The following SMG6 variants were observed in gnomAD, a reference collection of about 807,000 sequenced individuals.
SMG6 encodes telomerase-binding protein EST1A.
In SMG6, 66 loss-of-function variants were observed where a neutral mutation model predicts 142.2. The observed-to-expected ratio is 0.46, with a 90% CI of 0.38 to 0.57. The LOEUF (loss-of-function observed/expected upper bound fraction) is 0.57. SMG6 is among the 20% of genes least tolerant of loss of function. The probability of loss-of-function intolerance (pLI) is 0.00; values close to 1 mark genes in which losing one functional copy is unlikely to be tolerated. For missense variants in SMG6, 1,793 were observed against 1,832.0 expected, an observed-to-expected ratio of 0.98 and a Z score of 0.39; for synonymous variants, 779 against 702.4, an observed-to-expected ratio of 1.11 and a Z score of -1.72.
At chr17:2,120,230 T>G (rs2069644524) in intron 13 of SMG6, among the ~76,000 whole-genome samples, 1 of 152,196 alleles carries the variant, frequency 6.6e-6, no homozygotes, top group Admixed American at 6.5e-5. Flanking sequence ...ATTAAAACCT[T>G]TTGCTTATCA....
intron 13 of SMG6, among the ~76,000 whole-genome samples, chr17:2,135,087 C>T (rs995162411): frequency 2.0e-5 from 3 of 152,054 alleles, no homozygotes; most frequent in African/African-American, 7.2e-5. Flanking sequence ...GCCATGTTGG[C>T]GAGGCTGGTC....
chr17:2,255,666 T>G (rs933214828), intron 8 of SMG6: 1 of 168,502 alleles, frequency 5.9e-6, no homozygotes, highest in Non-Finnish European at 1.2e-5. Flanking sequence ...GCCCGGCCAC[T>G]ACCCCGTCTG....
intron 13 of SMG6, among the ~76,000 whole-genome samples, chr17:2,132,110 C>T (rs909851352): frequency 2.6e-5 from 4 of 152,000 alleles, no homozygotes; most frequent in Non-Finnish European, 5.9e-5. Context: ...TGAACTCGAG[C>T]AATCCTCCTG....
At chr17:2,128,266 G>A (rs867159921) in intron 13 of SMG6, among the ~76,000 whole-genome samples, 1 of 152,214 alleles carries the variant, frequency 6.6e-6, no homozygotes, top group South Asian at 2.1e-4. Flanking sequence ...GTCAAGTGCA[G>A]GGAGGGCACG....
At chr17:2,196,758 A>G (rs571913084) in intron 10 of SMG6, among the ~76,000 whole-genome samples, 1 of 152,326 alleles carries the variant, frequency 6.6e-6, no homozygotes, top group South Asian at 2.1e-4. Flanking sequence ...GGGGCCGGGC[A>G]TGGTGGTTCA....
chr17:2,211,666 T>TTAA, intron 10 of SMG6, among the ~76,000 whole-genome samples: 1 of 135,184 alleles, frequency 7.4e-6, no homozygotes. Flanking sequence ...TCCATCTAAT[T>TTAA]AAAAAAAAAA....
intron 13 of SMG6, among the ~76,000 whole-genome samples, chr17:2,092,590 C>T (rs1774567837): frequency 1.3e-5 from 2 of 152,144 alleles, no homozygotes; most frequent in East Asian, 1.9e-4. Context: ...GACAGGGTTA[C>T]TGAAGATCCC....
chr17:2,298,862 G>A lies in SMG6; in HGVS notation c.1847+44C>T, dbSNP rs773372876. On this transcript the variant is annotated intron_variant, in intron 2 of 18. Transcript: ENST00000263073. The stretch of plus-strand genomic sequence containing the variant: ...CAGCCATAGCAATCTATACACCTCC[G>A]GCTGATCCCCATTTCCCTCCAGCCA... 9.6e-6 allele frequency: 15 copies of A among 1,562,824 alleles called. 1 individual carries two copies. Among genetic ancestry groups the A allele is most frequent in the Admixed American group, 5.3e-5 (3 of 56,232 alleles).
At chr17:2,084,978 A>C (rs1478282445) in intron 14 of SMG6, among the ~76,000 whole-genome samples, 2 of 152,132 alleles carry the variant, frequency 1.3e-5, no homozygotes, top group Non-Finnish European at 2.9e-5. Context: ...GTTTACTTAA[A>C]CTGACACACA....
At chr17:2,069,847 T>C (rs2068051980) in intron 15 of SMG6, among the ~76,000 whole-genome samples, 1 of 152,202 alleles carries the variant, frequency 6.6e-6, no homozygotes, top group Admixed American at 6.5e-5. Context: ...CTACCTCTGC[T>C]CCTTTGCCAC....
rs746708117 is a variant in SMG6, at chr17:2,283,616, C to G, written c.2448+9G>C. 2 of 1,606,158 alleles carry G rather than the reference C, an allele frequency of 1.2e-6. No homozygotes were observed. Among genetic ancestry groups the G allele is most frequent in the Admixed American group, 1.7e-5 (1 of 59,980 alleles). Reference sequence around the variant, plus strand: ...GAGGAAGGAAGGGTTCTGCCACATCCCCACTCACCTTCCGCTTGGTCTCTT... The same window carrying G: ...GAGGAAGGAAGGGTTCTGCCACATCGCCACTCACCTTCCGCTTGGTCTCTT... On this transcript the variant is annotated intron_variant, in intron 7 of 18. Transcript: ENST00000263073.
intron 10 of SMG6, among the ~76,000 whole-genome samples, chr17:2,189,377 A>G (rs2072090890): frequency 6.6e-6 from 1 of 152,146 alleles, no homozygotes; most frequent in Non-Finnish European, 1.5e-5. Context: ...CTTCCCTGAA[A>G]GCCACGTCAT....
chr17:2,287,007 C>T (rs1342941410), intron 6 of SMG6, among the ~76,000 whole-genome samples: 1 of 145,972 alleles, frequency 6.9e-6, no homozygotes, highest in African/African-American at 2.6e-5. Context: ...TCTTGGCTCA[C>T]TGCAAGCTCC....
intron 9 of SMG6, among the ~76,000 whole-genome samples, chr17:2,240,487 A>C (rs2073773251): frequency 6.6e-6 from 1 of 152,196 alleles, no homozygotes; most frequent in East Asian, 1.9e-4. Context: ...AATGAGAAAA[A>C]AAAAAACAAA....
At chr17:2,069,908 A>C (rs2068053638) in intron 15 of SMG6, among the ~76,000 whole-genome samples, 1 of 152,194 alleles carries the variant, frequency 6.6e-6, no homozygotes, top group Non-Finnish European at 1.5e-5. Flanking sequence ...CTTTAAACTG[A>C]CTTTGTCACT....
intron 6 of SMG6, among the ~76,000 whole-genome samples, chr17:2,288,621 TA>T (rs35498445): frequency 0.64 from 87,739 of 137,654 alleles, 27,291 homozygotes; most frequent in East Asian, 0.76. Context: ...TTCTCTCAAT[TA>T]AAAAAAAAAA....
intron 13 of SMG6, among the ~76,000 whole-genome samples, chr17:2,162,584 A>T (rs1373462502): frequency 1.3e-5 from 2 of 150,874 alleles, no homozygotes; most frequent in Non-Finnish European, 2.9e-5. Flanking sequence ...AATCCCAGCT[A>T]TTCAGGAAGC....
intron 13 of SMG6, among the ~76,000 whole-genome samples, chr17:2,105,335 C>G (rs1026096684): frequency 3.3e-5 from 5 of 151,220 alleles, no homozygotes; most frequent in African/African-American, 1.2e-4. Flanking sequence ...CACCTGAGGT[C>G]AGGAGTTTGA....
At chr17:2,069,742 CAT>C (rs1483812320) in intron 15 of SMG6, among the ~76,000 whole-genome samples, 5 of 152,240 alleles carry the variant, frequency 3.3e-5, no homozygotes, top group African/African-American at 7.2e-5. Context: ...AGACTCAACT[CAT>C]GTGTCTGCAA....
Sources: allele counts gnomAD v4.1 joint callset (sites outside exome capture counted in the v4.1 genomes callset), GRCh38; gene constraint gnomAD v4.1.1; transcripts MANE v1.5; gene names NCBI Gene and HGNC (gene_info 2026-07-23, HGNC 2026-07-21).